Variants in DEFB114 observed in about 807,000 individuals in gnomAD.
DEFB114 encodes defensin beta 114, also known as beta-defensin 114.
A neutral mutation model predicts 2.4 loss-of-function variants in DEFB114; 4 were observed. That is an observed-to-expected ratio of 1.67 (90% CI 0.82 to 3.82). The LOEUF (loss-of-function observed/expected upper bound fraction) is 3.82. Among genes scored for constraint, DEFB114 ranks in the 30% most tolerant of loss-of-function variants. DEFB114 has a pLI of 0.01. For missense variants in DEFB114, 113 were observed against 85.8 expected (o/e 1.32, Z -1.25); for synonymous variants, 35 against 24.6 (o/e 1.42, Z -1.26).
At chr6:49,961,461 G>A (rs941150953) in intron 1 of DEFB114, among the ~76,000 whole-genome samples, 1 of 150,448 alleles carries the variant, frequency 6.6e-6, no homozygotes, top group African/African-American at 2.4e-5. Flanking sequence ...TTCACTGTAT[G>A]CTTAATGTTG....
chr6:49,960,466 A>ATAG lies in DEFB114; in HGVS notation c.56-21_56-20insCTA. The ATAG allele has an allele frequency of 6.3e-7, 1 of 1,576,080 alleles. No individual in the cohort carries two copies. The highest frequency in any genetic ancestry group is 8.6e-7 in the Non-Finnish European group (1 of 1,165,032). On this transcript the variant is annotated intron_variant, in intron 1 of 1. Coordinates refer to ENST00000322066, the MANE Select transcript of DEFB114 (RefSeq NM_001037499.2). ...ATGTGGCTACGGTAAAAGAAGAGTA[A>ATAG]CAGAAATTCTAATCTTTTATTTAAG...
At chr6:49,961,233 A>G (rs1443136020) in intron 1 of DEFB114, among the ~76,000 whole-genome samples, 1 of 150,774 alleles carries the variant, frequency 6.6e-6, no homozygotes, top group East Asian at 1.9e-4. Flanking sequence ...TTATATGCAG[A>G]AATGTACAAA....
intron 1 of DEFB114, 27 bp from the exon 2 acceptor site, chr6:49,960,473 T>G: frequency 6.4e-7 from 1 of 1,570,070 alleles, no homozygotes; most frequent in Non-Finnish European, 8.6e-7. Flanking sequence ...GTAACAGAAA[T>G]TCTAATCTTT....
chr6:49,964,082 A>G lies in DEFB114; in HGVS notation c.24T>C (p.His8=), dbSNP rs1282415244. ...GAATGAAGGTCACATAACACAGAAA[A>G]TGGAGATAGTAAAAGATCCTCATTC... MRIFYYL[H]FLCYVTFILP... is the part of the protein sequence containing the mutation. Residue 8 remains histidine (H), a synonymous_variant, in exon 1 of 2, where the codon CAT becomes CAC. Transcript: ENST00000322066. 1 of 1,587,310 alleles carries G rather than the reference A, an allele frequency of 6.3e-7. No individual in the cohort carries two copies. Among genetic ancestry groups the G allele is most frequent in the South Asian group, 1.1e-5 (1 of 87,512 alleles).
intron 1 of DEFB114, 114 bp downstream of exon 1, chr6:49,963,937 C>A: frequency 1.3e-6 from 1 of 748,578 alleles, no homozygotes; most frequent in South Asian, 1.8e-5. Flanking sequence ...ATAATAAAGA[C>A]ACTTATTTAA....
At chr6:49,963,915 C>T in intron 1 of DEFB114, 136 bp downstream of exon 1, 1 of 631,882 alleles carries the variant, frequency 1.6e-6, no homozygotes, top group Non-Finnish European at 2.7e-6. Context: ...AATGAGGAAA[C>T]CAAGATTCAG....
chr6:49,961,820 T>C lies in DEFB114; in HGVS notation c.56-1374A>G, dbSNP rs1185189399. On this transcript the variant is annotated intron_variant, in intron 1 of 1. Transcript: ENST00000322066. The stretch of plus-strand genomic sequence containing the variant: ...CAGTTAAAAAAAAATTGTCTTGATT[T>C]ATATTTTGTTTAAGCCTGCTCATTT... Among the ~76,000 whole-genome samples, 4 of 150,938 alleles carry C rather than the reference T, an allele frequency of 2.7e-5. No homozygotes were observed. The East Asian group carries it at 7.8e-4, about 29-fold the overall frequency.
intron 1 of DEFB114, among the ~76,000 whole-genome samples, chr6:49,962,522 T>C (rs916802654): frequency 1.3e-5 from 2 of 150,432 alleles, no homozygotes; most frequent in East Asian, 3.9e-4. Context: ...GTATTGAACA[T>C]ATTTTTCTCC....
intron 1 of DEFB114, among the ~76,000 whole-genome samples, chr6:49,962,459 GT>G (rs1164825017): frequency 2.0e-5 from 3 of 150,134 alleles, no homozygotes; most frequent in Non-Finnish European, 4.5e-5. Flanking sequence ...TTTTTATACT[GT>G]TTTATGTATG....
chr6:49,960,467 C>A, intron 1 of DEFB114, 21 bp from the exon 2 acceptor site: 1 of 1,573,800 alleles, frequency 6.4e-7, no homozygotes, highest in Non-Finnish European at 8.6e-7. Flanking sequence ...AGAAGAGTAA[C>A]AGAAATTCTA....
chr6:49,962,996 G>A (rs1284779751), intron 1 of DEFB114, among the ~76,000 whole-genome samples: 1 of 150,226 alleles, frequency 6.7e-6, no homozygotes, highest in Non-Finnish European at 1.5e-5. Flanking sequence ...AATTCATTAA[G>A]GGAATAGAAT....
In DEFB114 at chr6:49,964,074, C is replaced by A. The variant is rs763696432; in HGVS notation, c.32G>T (p.Cys11Phe). ...ACCTGGTAGAATGAAGGTCACATAA[C>A]ACAGAAAATGGAGATAGTAAAAGAT... MRIFYYLHFL[C>F]YVTFILPATC... Residue 11 changes from cysteine to phenylalanine, a missense_variant, in exon 1 of 2, where the codon TGT becomes TTT. Physicochemically the swap from Cys to Phe is radical, Grantham distance 205. Coordinates refer to ENST00000322066, the MANE Select transcript of DEFB114 (RefSeq NM_001037499.2). The A allele has an allele frequency of 6.3e-7, 1 of 1,586,806 alleles. No homozygotes were observed. Among genetic ancestry groups the A allele is most frequent in the Non-Finnish European group, 8.6e-7 (1 of 1,163,636 alleles).
chr6:49,963,122 G>T (rs940702624), intron 1 of DEFB114, among the ~76,000 whole-genome samples: 2 of 149,980 alleles, frequency 1.3e-5, no homozygotes, highest in African/African-American at 4.9e-5. Context: ...CCAGATAATA[G>T]AAAATAAAAG....
intron 1 of DEFB114, among the ~76,000 whole-genome samples, chr6:49,960,905 C>T (rs1234596590): frequency 2.0e-5 from 3 of 150,636 alleles, no homozygotes; most frequent in Non-Finnish European, 4.5e-5. Context: ...TTTGGTACTG[C>T]CACAAAAATT....
At chr6:49,960,570 A>G (rs1773441596) in intron 1 of DEFB114, 124 bp from the exon 2 acceptor site, 4 of 995,416 alleles carry the variant, frequency 4.0e-6, no homozygotes, top group Non-Finnish European at 5.6e-6. Context: ...AAATAAATCC[A>G]TGTATATCTT....
chr6:49,961,237 G>A (rs1432865479), intron 1 of DEFB114, among the ~76,000 whole-genome samples: 1 of 150,468 alleles, frequency 6.6e-6, no homozygotes, highest in Non-Finnish European at 1.5e-5. Context: ...ATGCAGAAAT[G>A]TACAAAAATA....
intron 1 of DEFB114, among the ~76,000 whole-genome samples, chr6:49,962,059 G>A (rs986782490): frequency 1.3e-5 from 2 of 150,198 alleles, no homozygotes; most frequent in Admixed American, 6.7e-5. Flanking sequence ...GAATACTTTT[G>A]TACTTGACTC....
chr6:49,960,286 T>G lies in DEFB114; in HGVS notation c.*6A>C, dbSNP rs1365068893. The G allele has an allele frequency of 1.3e-6, 2 of 1,599,252 alleles. No homozygotes were observed. The highest frequency in any genetic ancestry group is 2.7e-5 in the African/African-American group (2 of 73,876). ...AACTTCTTTGTTCAGAGGTATGCCT[T>G]TCTTTTCAAAACATATCATCTTCTT... On this transcript the variant is annotated 3_prime_UTR_variant, in exon 2 of 2. Transcript: ENST00000322066.
chr6:49,960,744 C>G (rs945867950), intron 1 of DEFB114, among the ~76,000 whole-genome samples: 4 of 150,626 alleles, frequency 2.7e-5, no homozygotes, highest in Non-Finnish European at 6.0e-5. Flanking sequence ...TAGAGCTACA[C>G]GACAATGTGC....
Sources: gnomAD v4.1 joint callset for allele counts (sites outside exome capture counted in the v4.1 genomes callset) on GRCh38, gnomAD v4.1.1 for gene constraint, MANE v1.5 for transcripts, NCBI Gene and HGNC (gene_info 2026-07-23, HGNC 2026-07-21) for gene names.